The following ARMC2 variants were observed in gnomAD, a reference collection of about 807,000 sequenced individuals.
The protein encoded by ARMC2 is armadillo repeat containing 2.
A neutral mutation model predicts 90.3 loss-of-function variants in ARMC2; 67 were observed. The ratio of observed to expected loss-of-function variants is 0.74; its 90% CI spans 0.61 to 0.91. ARMC2 has a LOEUF of 0.91. ARMC2 is among the 40% of genes least tolerant of loss of function. The pLI, the probability that ARMC2 is intolerant of heterozygous loss-of-function variation, is 0.00. For missense variants in ARMC2, 920 were observed against 1,030.9 expected, an observed-to-expected ratio of 0.89 and a Z score of 1.47; for synonymous variants, 393 against 393.0, an observed-to-expected ratio of 1.00 and a Z score of 0.00.
Position 108,894,550 on chromosome 6 carries a change from G to A in ARMC2, c.748+7G>A. The stretch of plus-strand genomic sequence containing the variant: ...AGGCTGCAAACCAAAGCAGGTGAGG[G>A]GTCCCCACACTCCTTCATCTACAGC... On this transcript the variant is annotated splice_region_variant and intron_variant, in intron 6 of 17. Coordinates refer to ENST00000392644, the MANE Select transcript of ARMC2 (RefSeq NM_032131.6). 1 of 1,594,888 alleles carries A rather than the reference G, an allele frequency of 6.3e-7. No homozygotes were observed. The highest frequency in any genetic ancestry group is 8.5e-7 in the Non-Finnish European group (1 of 1,172,378).
At chr6:108,977,375 T>G (rs1244114420), downstream of ARMC2, among the ~76,000 whole-genome samples, 1 of 152,202 alleles carries the variant, frequency 6.6e-6, no homozygotes, top group African/African-American at 2.4e-5. Flanking sequence ...ATAAGCTTTT[T>G]GATGTGCTGC....
the ARMC2 span, among the ~76,000 whole-genome samples, chr6:109,044,210 G>A: frequency 6.7e-6 from 1 of 149,846 alleles, no homozygotes; most frequent in Non-Finnish European, 1.5e-5. Context: ...AGCTACTTGG[G>A]AGGCTAAGAC....
chr6:109,002,270 C>T, the ARMC2 span: 12 of 1,612,210 alleles, frequency 7.4e-6, no homozygotes, highest in Admixed American at 1.8e-4. Flanking sequence ...CTTTCACAAA[C>T]AACGTACCTC....
intron 2 of ARMC2, chr6:108,856,296 G>T (rs1227111069): frequency 6.6e-6 from 1 of 151,618 alleles, no homozygotes; most frequent in Non-Finnish European, 1.5e-5. Context: ...TAGATGTCCA[G>T]TTGTCCCAGC....
chr6:108,921,522 A>G (rs753627518), intron 10 of ARMC2, among the ~76,000 whole-genome samples: 5 of 152,216 alleles, frequency 3.3e-5, no homozygotes, highest in Non-Finnish European at 7.3e-5. Context: ...GCATGTTACC[A>G]GTGATTTCAC....
At chr6:108,910,803 C>A in intron 8 of ARMC2, 96 bp from the exon 9 acceptor site, 1 of 582,562 alleles carries the variant, frequency 1.7e-6, no homozygotes. Flanking sequence ...TTTAAAAATA[C>A]TGTTGCTGTA....
chr6:108,944,072 C>T (rs913210015), intron 12 of ARMC2, among the ~76,000 whole-genome samples: 1 of 152,142 alleles, frequency 6.6e-6, no homozygotes, highest in African/African-American at 2.4e-5. Flanking sequence ...TAAGGTGGTT[C>T]TTTAAAACCA....
chr6:108,959,598 T>A (rs1204567374), intron 13 of ARMC2: 2 of 152,172 alleles, frequency 1.3e-5, no homozygotes, highest in Non-Finnish European at 2.9e-5. Flanking sequence ...GGCGGTGGCC[T>A]GTTCAAGCTG....
intron 5 of ARMC2, among the ~76,000 whole-genome samples, chr6:108,881,510 G>A (rs1324431519): frequency 1.3e-5 from 2 of 152,256 alleles, no homozygotes; most frequent in East Asian, 3.9e-4. Context: ...TTCACTAAAA[G>A]TGAGTCTTTT....
At chr6:108,856,337 A>G (rs1774607477) in intron 2 of ARMC2, 6 of 152,606 alleles carry the variant, frequency 3.9e-5, no homozygotes, top group Admixed American at 3.9e-4. Flanking sequence ...ATATGAGCCA[A>G]AGTTTTACTT....
chr6:109,050,982 T>G, the ARMC2 span, among the ~76,000 whole-genome samples: 4 of 152,208 alleles, frequency 2.6e-5, no homozygotes, highest in Non-Finnish European at 5.9e-5. Context: ...TGGTTAAAGT[T>G]GTTCAATTAG....
chr6:109,048,971 C>T, the ARMC2 span, among the ~76,000 whole-genome samples: 1 of 152,188 alleles, frequency 6.6e-6, no homozygotes, highest in Non-Finnish European at 1.5e-5. Flanking sequence ...CAGCAAGTCT[C>T]TCTAGGACTT....
At chr6:108,917,324 C>T (rs1774071332) in intron 10 of ARMC2, among the ~76,000 whole-genome samples, 1 of 152,136 alleles carries the variant, frequency 6.6e-6, no homozygotes, top group Admixed American at 6.5e-5. Flanking sequence ...TCCTCTCCCC[C>T]TTGCTCAGTA....
intron 10 of ARMC2, among the ~76,000 whole-genome samples, chr6:108,915,873 A>T (rs1449633906): frequency 1.3e-5 from 2 of 152,204 alleles, no homozygotes; most frequent in Admixed American, 1.3e-4. Flanking sequence ...ACAAAATGTT[A>T]AACTGATAAA....
At chr6:109,003,220 T>A in the ARMC2 span, among the ~76,000 whole-genome samples, 1 of 151,808 alleles carries the variant, frequency 6.6e-6, no homozygotes, top group African/African-American at 2.4e-5. Flanking sequence ...AAAAATTTTT[T>A]TTAGAATTTA....
intron 5 of ARMC2, among the ~76,000 whole-genome samples, chr6:108,883,048 G>T (rs1436697448): frequency 6.6e-6 from 1 of 152,212 alleles, no homozygotes; most frequent in Non-Finnish European, 1.5e-5. Context: ...TACGCACTCA[G>T]TGAATAATTG....
the ARMC2 span, chr6:108,988,799 G>C: frequency 7.1e-4 from 565 of 799,640 alleles, 2 homozygotes; most frequent in African/African-American, 9.0e-3. Context: ...CTTTGTGTAG[G>C]CAGCTGTCCC....
chr6:108,982,751 GTTTGTTGGTCA>G, the ARMC2 span, among the ~76,000 whole-genome samples: 1 of 148,008 alleles, frequency 6.8e-6, no homozygotes, highest in Non-Finnish European at 1.5e-5. Context: ...CATAATTTTT[GTTTGTTGGTCA>G]TTTGTATTAT....
intron 12 of ARMC2, among the ~76,000 whole-genome samples, chr6:108,944,943 A>G (rs1467703527): frequency 1.3e-5 from 2 of 152,270 alleles, no homozygotes; most frequent in East Asian, 3.9e-4. Flanking sequence ...TCCAAGATCC[A>G]TGATGCAACT....
Sources: gnomAD v4.1 joint callset for allele counts (sites outside exome capture counted in the v4.1 genomes callset) on GRCh38, gnomAD v4.1.1 for gene constraint, MANE v1.5 for transcripts, NCBI Gene and HGNC (gene_info 2026-07-23, HGNC 2026-07-21) for gene names.